The following IFT80 variants were observed in gnomAD, a reference collection of about 807,000 sequenced individuals.
The protein encoded by IFT80 is intraflagellar transport protein 80 homolog.
In IFT80, 79 loss-of-function variants were observed where a neutral mutation model predicts 107.9. That is an observed-to-expected ratio of 0.73 (90% CI 0.61 to 0.88). IFT80 has a LOEUF of 0.88. IFT80 is among the 40% of genes least tolerant of loss of function. IFT80 has a pLI of 0.00. For synonymous variants in IFT80, 299 were observed against 300.9 expected, an observed-to-expected ratio of 0.99 and a Z score of 0.07; for missense variants, 797 against 914.2, an observed-to-expected ratio of 0.87 and a Z score of 1.65.
intron 8 of IFT80, among the ~76,000 whole-genome samples, chr3:160,321,937 G>C (rs1237493049): frequency 6.6e-6 from 1 of 151,812 alleles, no homozygotes; most frequent in Non-Finnish European, 1.5e-5. Context: ...AGTTAGGCCA[G>C]CAGTTGCCCT....
chr3:160,386,083 C>T (rs1324399904), intron 1 of IFT80, among the ~76,000 whole-genome samples: 2 of 152,198 alleles, frequency 1.3e-5, no homozygotes, highest in African/African-American at 4.8e-5. Context: ...TCATAATCCT[C>T]TATAAATAGT....
At chr3:160,287,399 C>A (rs1046319492) in intron 12 of IFT80, among the ~76,000 whole-genome samples, 7 of 152,128 alleles carry the variant, frequency 4.6e-5, no homozygotes, top group Non-Finnish European at 7.3e-5. Context: ...TTGTGGAAGA[C>A]TGCCCTTAAG....
rs562874816 is a variant in IFT80 at position 160,293,587 on chromosome 3, T to C, written c.1315+7296A>G. 2.0e-5 allele frequency among the ~76,000 whole-genome samples: 3 copies of C among 152,298 alleles called. No individual in the cohort carries two copies. The East Asian group carries it at 5.8e-4, about 29-fold the overall frequency. On this transcript the variant is annotated intron_variant, in intron 12 of 19. Coordinates refer to ENST00000326448, the MANE Select transcript of IFT80 (RefSeq NM_020800.3). The stretch of plus-strand genomic sequence containing the variant: ...AGGGGGTGGTCTGTAGTTTAATAAA[T>C]AATTTGTCTGGTCTTTGTCCTGGGC...
chr3:160,357,237 C>T (rs1326406136), intron 7 of IFT80, among the ~76,000 whole-genome samples: 1 of 152,070 alleles, frequency 6.6e-6, no homozygotes, highest in Non-Finnish European at 1.5e-5. Context: ...GTAGCTGGGA[C>T]CACAGATGTG....
chr3:160,395,540 C>A (rs1337065642), intron 1 of IFT80, among the ~76,000 whole-genome samples: 2 of 152,210 alleles, frequency 1.3e-5, no homozygotes, highest in Admixed American at 1.3e-4. Flanking sequence ...TCCCTTTGCA[C>A]AGACTGTTTC....
At chr3:160,268,811 T>C (rs1713562116) in intron 18 of IFT80, 2 of 391,188 alleles carry the variant, frequency 5.1e-6, no homozygotes, top group South Asian at 5.2e-5. Context: ...ATACTATTAT[T>C]ACAGCACTCC....
rs112137900 is a variant in IFT80 at position 160,290,108 on chromosome 3, C to G, written c.1316-4240G>C. On this transcript the variant is annotated intron_variant, in intron 12 of 19. Coordinates refer to ENST00000326448, the MANE Select transcript of IFT80 (RefSeq NM_020800.3). Reference sequence around the variant, plus strand: ...TTATGTCTGACCAGAACACCTCCCCCACCTACTACTGAAAGTCCTAATGGG... The same window carrying G: ...TTATGTCTGACCAGAACACCTCCCCGACCTACTACTGAAAGTCCTAATGGG... 5.1e-3 allele frequency among the ~76,000 whole-genome samples: 782 copies of G among 152,172 alleles called. 6 individuals are homozygous for G. The highest frequency in any genetic ancestry group is 8.0e-3 in the Non-Finnish European group (542 of 67,986).
chr3:160,373,088 T>C lies in IFT80; in HGVS notation c.439+2724A>G, dbSNP rs1215184627. 2.6e-5 allele frequency among the ~76,000 whole-genome samples: 4 copies of C among 152,234 alleles called. No homozygotes were observed. In the East Asian group the frequency reaches 5.8e-4, roughly 22 times the overall value. ...AAGCAGAAGCAAATTTTGTATTTTT[T>C]GTAGAGATGGGGTTTTGCCATGTTG... On this transcript the variant is annotated intron_variant, in intron 5 of 19. Transcript: ENST00000326448.
intron 12 of IFT80, among the ~76,000 whole-genome samples, chr3:160,290,984 C>T (rs1715509355): frequency 6.6e-6 from 1 of 152,160 alleles, no homozygotes; most frequent in Non-Finnish European, 1.5e-5. Flanking sequence ...CATGTAAATC[C>T]ACCCTTTAAG....
intron 10 of IFT80, among the ~76,000 whole-genome samples, chr3:160,307,122 A>G (rs1185820591): frequency 1.3e-5 from 2 of 152,158 alleles, no homozygotes; most frequent in Non-Finnish European, 2.9e-5. Context: ...AATTTTCAAG[A>G]ATTTTGTAAG....
chr3:160,379,195 C>A (rs1040459454), intron 3 of IFT80, among the ~76,000 whole-genome samples: 1 of 152,064 alleles, frequency 6.6e-6, no homozygotes, highest in African/African-American at 2.4e-5. Context: ...GAGGAAACAT[C>A]AGACAAAAAC....
At chr3:160,344,009 G>A (rs1328982087) in intron 8 of IFT80, among the ~76,000 whole-genome samples, 1 of 152,074 alleles carries the variant, frequency 6.6e-6, no homozygotes, top group East Asian at 1.9e-4. Flanking sequence ...CAAAGCTCTT[G>A]ACAGATTTTA....
intron 12 of IFT80, among the ~76,000 whole-genome samples, chr3:160,292,681 T>C (rs977563309): frequency 1.3e-5 from 2 of 152,116 alleles, no homozygotes; most frequent in South Asian, 2.1e-4. Context: ...GGTTTCACCA[T>C]GTTGGTCAGG....
At chr3:160,370,088 C>T (rs937448762) in intron 5 of IFT80, among the ~76,000 whole-genome samples, 1 of 152,120 alleles carries the variant, frequency 6.6e-6, no homozygotes, top group African/African-American at 2.4e-5. Flanking sequence ...TAAGGAAGTA[C>T]ATGGTCAAAT....
At chr3:160,261,447 C>CA (rs923048301) in intron 19 of IFT80, among the ~76,000 whole-genome samples, 1 of 147,752 alleles carries the variant, frequency 6.8e-6, no homozygotes, top group Non-Finnish European at 1.5e-5. Flanking sequence ...ATAAACAAAA[C>CA]AAAAAATATA....
intron 9 of IFT80, among the ~76,000 whole-genome samples, chr3:160,312,844 A>G (rs1445981711): frequency 5.4e-4 from 22 of 40,616 alleles, no homozygotes; most frequent in Non-Finnish European, 2.6e-4. Flanking sequence ...TAATAAATGT[A>G]TATTATATAT....
At chr3:160,323,867 C>T (rs1234730137) in intron 8 of IFT80, among the ~76,000 whole-genome samples, 3 of 151,600 alleles carry the variant, frequency 2.0e-5, no homozygotes, top group African/African-American at 7.3e-5. Context: ...ATCAACAAAA[C>T]TGATAGACCA....
chr3:160,280,847 GCT>G (rs1714635084), intron 14 of IFT80, 33 bp from the exon 15 acceptor site: 1 of 1,576,686 alleles, frequency 6.3e-7, no homozygotes, highest in Non-Finnish European at 8.7e-7. Flanking sequence ...TGTGCTATTA[GCT>G]TTAATATGTA....
intron 19 of IFT80, among the ~76,000 whole-genome samples, chr3:160,262,705 A>AT (rs764578176): frequency 2.0e-5 from 3 of 152,084 alleles, no homozygotes; most frequent in East Asian, 3.9e-4. Flanking sequence ...GAGAATTTAT[A>AT]TTTTGTCTTT....
Sources: allele counts gnomAD v4.1 joint callset (sites outside exome capture counted in the v4.1 genomes callset), GRCh38; gene constraint gnomAD v4.1.1; transcripts MANE v1.5; gene names NCBI Gene and HGNC (gene_info 2026-07-23, HGNC 2026-07-21).